LMX1A: variants seen among roughly 807,000 people sequenced by gnomAD.
LMX1A encodes LIM homeobox transcription factor 1 alpha.
Under a neutral mutation model 49.1 loss-of-function variants are expected in LMX1A, and 15 were observed. The observed-to-expected ratio is 0.31, with a 90% CI of 0.20 to 0.47. The LOEUF (loss-of-function observed/expected upper bound fraction) is 0.47. Among genes scored for constraint, LMX1A ranks in the 20% least tolerant of loss-of-function variants. The pLI is 1.00. For synonymous variants in LMX1A, 167 were observed against 185.7 expected (o/e 0.90, Z 0.82); for missense variants, 372 against 475.8 (o/e 0.78, Z 2.03).
At chr1:165,287,085 T>C (rs1654322693) in intron 3 of LMX1A, among the ~76,000 whole-genome samples, 1 of 152,172 alleles carries the variant, frequency 6.6e-6, no homozygotes, top group Admixed American at 6.5e-5. Context: ...CTATTATGCT[T>C]GATAATAGGA....
chr1:165,230,065 CT>C (rs1276522040), intron 4 of LMX1A, among the ~76,000 whole-genome samples: 1 of 152,186 alleles, frequency 6.6e-6, no homozygotes, highest in Non-Finnish European at 1.5e-5. Flanking sequence ...TTCTCATTCT[CT>C]TTTTGCCACT....
chr1:165,333,399 T>C (rs1655807008), intron 3 of LMX1A, among the ~76,000 whole-genome samples: 1 of 152,180 alleles, frequency 6.6e-6, no homozygotes, highest in South Asian at 2.1e-4. Flanking sequence ...CCTCAGGTGA[T>C]CTGCCCACCT....
chr1:165,325,813 C>A (rs1482747699), intron 3 of LMX1A, among the ~76,000 whole-genome samples: 1 of 152,164 alleles, frequency 6.6e-6, no homozygotes, highest in African/African-American at 2.4e-5. Flanking sequence ...AACCAGACTT[C>A]CCAAAGTTAA....
intron 3 of LMX1A, among the ~76,000 whole-genome samples, chr1:165,306,093 C>T (rs12046882): frequency 6.6e-6 from 1 of 152,318 alleles, no homozygotes; most frequent in Admixed American, 6.5e-5. Flanking sequence ...ACCTGTATCC[C>T]TAAGCTCTCC....
chr1:165,305,752 T>A (rs1182038960), intron 3 of LMX1A, among the ~76,000 whole-genome samples: 1 of 152,176 alleles, frequency 6.6e-6, no homozygotes, highest in African/African-American at 2.4e-5. Flanking sequence ...TTGGTCTCAC[T>A]CATGGGCACA....
intron 2 of LMX1A, among the ~76,000 whole-genome samples, chr1:165,354,861 T>A (rs752758715): frequency 2.2e-4 from 33 of 152,124 alleles, no homozygotes; most frequent in Non-Finnish European, 3.8e-4. Context: ...TGGACACTCT[T>A]CCGGGGTCCT....
chr1:165,345,474 T>C (rs369346123), intron 3 of LMX1A, among the ~76,000 whole-genome samples: 1 of 152,220 alleles, frequency 6.6e-6, no homozygotes, highest in South Asian at 2.1e-4. Flanking sequence ...ATGACTCTCC[T>C]GGTTTATTGG....
intron 3 of LMX1A, among the ~76,000 whole-genome samples, chr1:165,255,503 C>T (rs1008848064): frequency 4.6e-5 from 7 of 152,186 alleles, no homozygotes; most frequent in African/African-American, 9.7e-5. Flanking sequence ...TTGCTGCCTC[C>T]GTTTGCTTTG....
In LMX1A at chr1:165,331,438, C is replaced by A. The variant is rs114708356; in HGVS notation, c.263+21638G>T. Among the ~76,000 whole-genome samples, 1,148 of 152,274 alleles carry A rather than the reference C, an allele frequency of 7.5e-3. 13 individuals are homozygous for A. Among genetic ancestry groups the A allele is most frequent in the Middle Eastern group, 0.02 (6 of 294 alleles). On this transcript the variant is annotated intron_variant, in intron 3 of 8. Coordinates refer to ENST00000342310, the MANE Select transcript of LMX1A (RefSeq NM_177398.4). ...CAATGTGGCATGTAACTAAAGAAAT[C>A]TTTTTAATTCATTTAAATTTAAATG... is the stretch of plus-strand genomic sequence containing the variant.
intron 3 of LMX1A, among the ~76,000 whole-genome samples, chr1:165,261,651 G>A (rs748933226): frequency 6.6e-6 from 1 of 152,162 alleles, no homozygotes; most frequent in Admixed American, 6.6e-5. Flanking sequence ...GTCACTGACA[G>A]AGGAACAGAT....
At chr1:165,246,161 C>A (rs1652842826) in intron 4 of LMX1A, among the ~76,000 whole-genome samples, 1 of 152,114 alleles carries the variant, frequency 6.6e-6, no homozygotes, top group South Asian at 2.1e-4. Flanking sequence ...TCATTAGGTA[C>A]TTATTGATCA....
At chr1:165,259,865 G>A (rs988305718) in intron 3 of LMX1A, among the ~76,000 whole-genome samples, 1 of 152,228 alleles carries the variant, frequency 6.6e-6, no homozygotes, top group Non-Finnish European at 1.5e-5. Context: ...TGAGTGCACT[G>A]TGTGTGGGAC....
chr1:165,249,766 C>T, intron 3 of LMX1A, 126 bp from the exon 4 acceptor site: 2 of 680,268 alleles, frequency 2.9e-6, no homozygotes, highest in South Asian at 1.9e-5. Context: ...ATGGAATGTA[C>T]TTTAAATCCA....
intron 3 of LMX1A, among the ~76,000 whole-genome samples, chr1:165,332,404 A>C (rs1398355543): frequency 2.0e-5 from 3 of 152,318 alleles, no homozygotes; most frequent in Admixed American, 2.0e-4. Flanking sequence ...ACAGAAGATA[A>C]ACTTTAAAAA....
chr1:165,293,039 C>T (rs994663976), intron 3 of LMX1A, among the ~76,000 whole-genome samples: 2 of 151,958 alleles, frequency 1.3e-5, no homozygotes, highest in South Asian at 4.2e-4. Context: ...TTCGCTTGAA[C>T]CCGGGAGGTG....
At chr1:165,306,885 C>T (rs1031076520) in intron 3 of LMX1A, among the ~76,000 whole-genome samples, 1 of 152,244 alleles carries the variant, frequency 6.6e-6, no homozygotes, top group Non-Finnish European at 1.5e-5. Context: ...CGCCATACCA[C>T]CCTCCTCCGC....
chr1:165,345,062 A>T (rs1262602604), intron 3 of LMX1A, among the ~76,000 whole-genome samples: 1 of 152,186 alleles, frequency 6.6e-6, no homozygotes, highest in South Asian at 2.1e-4. Context: ...AATGACAACA[A>T]TGCTAAGAAT....
intron 3 of LMX1A, among the ~76,000 whole-genome samples, chr1:165,309,626 C>G (rs560741231): frequency 1.3e-5 from 2 of 152,278 alleles, no homozygotes; most frequent in East Asian, 3.9e-4. Flanking sequence ...GTAATTTGTA[C>G]TCCCCACATG....
At chr1:165,272,365 T>TTCTTAAGAGCCC in intron 3 of LMX1A, among the ~76,000 whole-genome samples, 1 of 152,212 alleles carries the variant, frequency 6.6e-6, no homozygotes. Context: ...GAGATCTGGT[T>TTCTTAAGAGCCC]ACACTGGTGG....
Sources: gnomAD v4.1 joint callset for allele counts (sites outside exome capture counted in the v4.1 genomes callset) on GRCh38, gnomAD v4.1.1 for gene constraint, MANE v1.5 for transcripts, NCBI Gene and HGNC (gene_info 2026-07-23, HGNC 2026-07-21) for gene names.